The following TRIM44 variants were observed in gnomAD, a reference collection of about 807,000 sequenced individuals.
The protein encoded by TRIM44 is tripartite motif containing 44.
TRIM44 carries 13 observed loss-of-function variants against 37.4 expected under a neutral mutation model. The observed-to-expected ratio is 0.35, with a 90% CI of 0.23 to 0.55. The LOEUF is 0.55. Ranked by LOEUF, TRIM44 falls within the 20% of genes least tolerant of loss-of-function variation. The pLI is 0.89. For missense variants in TRIM44, 426 were observed against 437.2 expected, an observed-to-expected ratio of 0.97 and a Z score of 0.23; for synonymous variants, 175 against 157.2, an observed-to-expected ratio of 1.11 and a Z score of -0.85.
chr11:35,754,828 A>G (rs1380447901), intron 4 of TRIM44, among the ~76,000 whole-genome samples: 1 of 152,180 alleles, frequency 6.6e-6, no homozygotes, highest in Non-Finnish European at 1.5e-5. Context: ...TACAAAGGAC[A>G]TGAACTCATC....
chr11:35,741,758 A>G (rs565726522), intron 4 of TRIM44, among the ~76,000 whole-genome samples: 9 of 152,312 alleles, frequency 5.9e-5, no homozygotes, highest in African/African-American at 2.2e-4. Context: ...CTCTCAGACA[A>G]CAAAGATTGC....
At chr11:35,704,450 A>G (rs1423072383) in intron 2 of TRIM44, among the ~76,000 whole-genome samples, 1 of 152,184 alleles carries the variant, frequency 6.6e-6, no homozygotes, top group African/African-American at 2.4e-5. Flanking sequence ...ACTCCAAGAC[A>G]CATAATTGTC....
At chr11:35,699,024 C>T (rs1377402099) in intron 2 of TRIM44, among the ~76,000 whole-genome samples, 5 of 147,018 alleles carry the variant, frequency 3.4e-5, no homozygotes, top group African/African-American at 1.3e-4. Flanking sequence ...TTTCCCAGCA[C>T]CATTTATTAA....
At chr11:35,682,008 G>C (rs576185745) in intron 1 of TRIM44, among the ~76,000 whole-genome samples, 3 of 145,054 alleles carry the variant, frequency 2.1e-5, no homozygotes, top group Non-Finnish European at 4.5e-5. Context: ...ACCCAGGCTG[G>C]AGTGCAGTGG....
intron 1 of TRIM44, among the ~76,000 whole-genome samples, chr11:35,671,628 A>T (rs1420124628): frequency 6.6e-6 from 1 of 152,220 alleles, no homozygotes; most frequent in East Asian, 1.9e-4. Flanking sequence ...TTTAGAGAAA[A>T]AGCAAACTTC....
At chr11:35,675,223 A>G (rs1222530562) in intron 1 of TRIM44, among the ~76,000 whole-genome samples, 1 of 152,248 alleles carries the variant, frequency 6.6e-6, no homozygotes, top group Non-Finnish European at 1.5e-5. Flanking sequence ...GTTCCAGGGC[A>G]TTAATGAAGA....
chr11:35,787,140 G>C (rs1019273660), intron 4 of TRIM44, among the ~76,000 whole-genome samples: 1 of 152,174 alleles, frequency 6.6e-6, no homozygotes, highest in Non-Finnish European at 1.5e-5. Flanking sequence ...GCATGGGGAC[G>C]AGAGGAGGGA....
chr11:35,757,942 G>A (rs1233302860), intron 4 of TRIM44, among the ~76,000 whole-genome samples: 12 of 152,182 alleles, frequency 7.9e-5, no homozygotes, highest in Admixed American at 7.9e-4. Flanking sequence ...TTTGGAATAG[G>A]TGTGATGTGG....
rs1172522558 is a variant in TRIM44 at position 35,807,101 on chromosome 11, G to A, written c.*716G>A. On this transcript the variant is annotated 3_prime_UTR_variant, in exon 5 of 5. Coordinates refer to ENST00000299413, the MANE Select transcript of TRIM44 (RefSeq NM_017583.6). ...AAGGACCAAAGAAGTCTGATTAAAA[G>A]TTGAAATCAGTATTTCTGAATTCAA... 2 of 152,210 alleles carry A rather than the reference G, an allele frequency of 1.3e-5. No individual in the cohort carries two copies. Among genetic ancestry groups the A allele is most frequent in the African/African-American group, 2.4e-5 (1 of 41,462 alleles). The allele number at this position is 152,210 out of a possible 1,614,324, so 9.4% of individuals were successfully genotyped here.
At chr11:35,697,773 G>A (rs970434211) in intron 2 of TRIM44, among the ~76,000 whole-genome samples, 18 of 151,988 alleles carry the variant, frequency 1.2e-4, no homozygotes, top group Admixed American at 9.8e-4. Context: ...TCCCTACAAA[G>A]GACATGAACT....
intron 1 of TRIM44, among the ~76,000 whole-genome samples, chr11:35,676,738 CTG>C (rs1272502412): frequency 6.6e-6 from 1 of 152,170 alleles, no homozygotes; most frequent in African/African-American, 2.4e-5. Context: ...CTATTTTCCT[CTG>C]TGAATTTTGA....
intron 4 of TRIM44, among the ~76,000 whole-genome samples, chr11:35,760,996 C>G (rs561625535): frequency 6.6e-6 from 1 of 152,308 alleles, no homozygotes; most frequent in East Asian, 1.9e-4. Context: ...CTCTCTACTT[C>G]TGTAAGATCA....
At chr11:35,756,578 T>G (rs1852644594) in intron 4 of TRIM44, among the ~76,000 whole-genome samples, 1 of 152,104 alleles carries the variant, frequency 6.6e-6, no homozygotes, top group African/African-American at 2.4e-5. Context: ...ATCCCTGTCT[T>G]GTGCCAGTTT....
intron 4 of TRIM44, among the ~76,000 whole-genome samples, chr11:35,740,752 T>G (rs1852386959): frequency 6.6e-6 from 1 of 152,196 alleles, no homozygotes; most frequent in African/African-American, 2.4e-5. Context: ...GTAAATATTA[T>G]CCTCACCCCT....
intron 4 of TRIM44, among the ~76,000 whole-genome samples, chr11:35,798,147 G>C (rs905206402): frequency 2.0e-5 from 3 of 152,206 alleles, no homozygotes; most frequent in Non-Finnish European, 4.4e-5. Flanking sequence ...CAGGTCATAA[G>C]TAGATAAAGG....
chr11:35,715,231 G>A (rs1852024278), intron 2 of TRIM44, among the ~76,000 whole-genome samples: 1 of 152,194 alleles, frequency 6.6e-6, no homozygotes, highest in African/African-American at 2.4e-5. Context: ...CGATGCCACA[G>A]TCATAGTGGT....
intron 1 of TRIM44, among the ~76,000 whole-genome samples, chr11:35,674,237 T>C (rs934385059): frequency 3.3e-5 from 5 of 149,694 alleles, no homozygotes; most frequent in Admixed American, 6.6e-5. Context: ...AGAATTTGCG[T>C]GTGTGTGTGT....
intron 4 of TRIM44, among the ~76,000 whole-genome samples, chr11:35,785,654 A>G (rs1232128584): frequency 6.6e-6 from 1 of 152,210 alleles, no homozygotes. Flanking sequence ...AGCTCAGTTA[A>G]GCTGGCAGGC....
Position 35,724,058 on chromosome 11 carries a change from G to C in TRIM44, c.748-1866G>C, listed in dbSNP as rs528926113. 7.2e-5 allele frequency among the ~76,000 whole-genome samples: 11 copies of C among 152,284 alleles called. No individual in the cohort carries two copies. In the East Asian group the frequency reaches 1.9e-3, roughly 27 times the overall value. Reference sequence around the variant, plus strand: ...TTCCCATTTTCTCCAGCACCAAGGAGAGCACCTGCAGAGAGTATATGAGGG... The same window carrying C: ...TTCCCATTTTCTCCAGCACCAAGGACAGCACCTGCAGAGAGTATATGAGGG... On this transcript the variant is annotated intron_variant, in intron 2 of 4. Transcript: ENST00000299413.
Sources: allele counts gnomAD v4.1 joint callset (sites outside exome capture counted in the v4.1 genomes callset), GRCh38; gene constraint gnomAD v4.1.1; transcripts MANE v1.5; gene names NCBI Gene and HGNC (gene_info 2026-07-23, HGNC 2026-07-21).